Variants in OPCML observed in about 807,000 individuals in gnomAD.
OPCML encodes opioid-binding protein/cell adhesion molecule.
In OPCML, 13 loss-of-function variants were observed where a neutral mutation model predicts 37.8. The observed-to-expected ratio is 0.34, with a 90% CI of 0.22 to 0.55. OPCML has a LOEUF of 0.55. Among genes scored for constraint, OPCML ranks in the 20% least tolerant of loss-of-function variants. OPCML has a pLI of 0.91. For synonymous variants in OPCML, 176 were observed against 168.8 expected (o/e 1.04, Z -0.33); for missense variants, 341 against 435.6 (o/e 0.78, Z 1.93).
At chr11:132,622,834 G>A (rs1443503715) in intron 3 of OPCML, among the ~76,000 whole-genome samples, 1 of 152,118 alleles carries the variant, frequency 6.6e-6, no homozygotes, top group Non-Finnish European at 1.5e-5. Context: ...CTAGTATTGG[G>A]GAAGCATCTC....
intron 2 of OPCML, among the ~76,000 whole-genome samples, chr11:132,814,986 C>T (rs901941495): frequency 1.3e-5 from 2 of 152,076 alleles, no homozygotes; most frequent in African/African-American, 4.8e-5. Flanking sequence ...AGTAAATCAC[C>T]GTGAGGTCTT....
At chr11:133,273,982 T>C (rs1223608840) in intron 1 of OPCML, among the ~76,000 whole-genome samples, 25 of 152,242 alleles carry the variant, frequency 1.6e-4, no homozygotes, top group Admixed American at 1.6e-3. Flanking sequence ...TTTTTACTAT[T>C]ATACATGTAA....
At chr11:133,129,339 G>C (rs1221336635) in intron 1 of OPCML, among the ~76,000 whole-genome samples, 1 of 152,144 alleles carries the variant, frequency 6.6e-6, no homozygotes, top group Admixed American at 6.6e-5. Context: ...CAAGAAGAGT[G>C]CTTGCTCCTA....
intron 1 of OPCML, among the ~76,000 whole-genome samples, chr11:133,126,903 G>A (rs1949526304): frequency 6.6e-6 from 1 of 152,056 alleles, no homozygotes; most frequent in Non-Finnish European, 1.5e-5. Context: ...AGAGTGCCTG[G>A]AAGAGGGGCA....
intron 1 of OPCML, among the ~76,000 whole-genome samples, chr11:133,213,201 G>T: frequency 6.7e-6 from 1 of 148,306 alleles, no homozygotes; most frequent in East Asian, 2.0e-4. Context: ...GGGCAATAGA[G>T]AGGACATGAT....
Position 133,174,486 on chromosome 11 carries a change from G to A in OPCML, c.62-231476C>T, listed in dbSNP as rs139055749. ...CATACCAACATTTAATTGTAATGAC[G>A]TAAAGGTGATTATGAACATTACGAT... On this transcript the variant is annotated intron_variant, in intron 1 of 7. Transcript: ENST00000524381. This position sits in a 1 kb window ranked among gnomAD's most constrained non-coding sequence, Gnocchi z 4.6. Among the ~76,000 whole-genome samples the A allele has an allele frequency of 1.1e-3, 163 of 152,214 alleles. 1 individual carries two copies. Among genetic ancestry groups the A allele is most frequent in the Middle Eastern group, 3.4e-3 (1 of 294 alleles).
rs1263569325 is a variant in OPCML, at chr11:132,752,591, G to A, written c.147-95272C>T. Among the ~76,000 whole-genome samples the A allele has an allele frequency of 3.3e-5, 5 of 151,614 alleles. No individual in the cohort carries two copies. The East Asian group carries it at 9.6e-4, about 29-fold the overall frequency. On this transcript the variant is annotated intron_variant, in intron 2 of 7. Transcript: ENST00000524381. Reference sequence around the variant, plus strand: ...AATCTGTAGAAGTTGATCCTCTAGAGCCTTGAGTAAAAGATTTGTTAGCAT... The same window carrying A: ...AATCTGTAGAAGTTGATCCTCTAGAACCTTGAGTAAAAGATTTGTTAGCAT...
intron 2 of OPCML, among the ~76,000 whole-genome samples, chr11:132,811,778 C>A (rs1277125661): frequency 6.6e-6 from 1 of 152,060 alleles, no homozygotes; most frequent in Non-Finnish European, 1.5e-5. Context: ...AGGGTTCAAA[C>A]GCAGAAACAG....
intron 2 of OPCML, among the ~76,000 whole-genome samples, chr11:132,825,731 A>G (rs1370477899): frequency 6.6e-6 from 1 of 152,194 alleles, no homozygotes; most frequent in East Asian, 1.9e-4. Flanking sequence ...GGGGAAGCTT[A>G]TTAACCTAAA....
At chr11:133,201,198 T>A (rs1224887301) in intron 1 of OPCML, among the ~76,000 whole-genome samples, 1 of 151,992 alleles carries the variant, frequency 6.6e-6, no homozygotes, top group Non-Finnish European at 1.5e-5. Context: ...ATTACCCAGG[T>A]GACAAAATTA....
At chr11:133,105,300 G>A (rs1242519935) in intron 1 of OPCML, among the ~76,000 whole-genome samples, 2 of 152,188 alleles carry the variant, frequency 1.3e-5, no homozygotes, top group Non-Finnish European at 2.9e-5. Context: ...CAGACTAAGT[G>A]TAGTTGCTGA....
At chr11:133,356,396 A>C (rs920624166) in intron 1 of OPCML, among the ~76,000 whole-genome samples, 3 of 152,216 alleles carry the variant, frequency 2.0e-5, no homozygotes, top group Non-Finnish European at 4.4e-5. Context: ...TTTAAATAGA[A>C]GAAATGAGCT....
chr11:132,534,765 T>C (rs1309734097), intron 3 of OPCML, among the ~76,000 whole-genome samples: 1 of 152,144 alleles, frequency 6.6e-6, no homozygotes, highest in African/African-American at 2.4e-5. Flanking sequence ...TCTCTTCAGG[T>C]TGTTGCAAGA....
intron 4 of OPCML, among the ~76,000 whole-genome samples, chr11:132,480,071 G>C (rs1278673103): frequency 1.3e-5 from 2 of 152,222 alleles, no homozygotes; most frequent in African/African-American, 2.4e-5. Flanking sequence ...AAATTACTCT[G>C]AGCTACAGGA....
At chr11:132,451,933 G>T (rs761181287) in intron 4 of OPCML, among the ~76,000 whole-genome samples, 54 of 152,052 alleles carry the variant, frequency 3.6e-4, no homozygotes, top group Non-Finnish European at 6.8e-4. Context: ...TTCAAACTCT[G>T]CCCTCACTGG....
chr11:132,563,848 T>C (rs995017697), intron 3 of OPCML, among the ~76,000 whole-genome samples: 1 of 152,132 alleles, frequency 6.6e-6, no homozygotes, highest in East Asian at 1.9e-4. Flanking sequence ...ATTTTTTTAA[T>C]CAGTGAGACT....
chr11:132,699,135 T>A (rs1369052210), intron 2 of OPCML, among the ~76,000 whole-genome samples: 5 of 152,054 alleles, frequency 3.3e-5, no homozygotes, highest in Non-Finnish European at 7.4e-5. Flanking sequence ...ATGGGACTGT[T>A]GTTTCAACTT....
chr11:133,325,177 G>A (rs1012519496), intron 1 of OPCML, among the ~76,000 whole-genome samples: 5 of 152,204 alleles, frequency 3.3e-5, no homozygotes, highest in Non-Finnish European at 5.9e-5. Context: ...GGTATGAAAA[G>A]CCCAGTACAT....
rs554568106 is a variant in OPCML at position 133,378,807 on chromosome 11, A to G, written c.61+153457T>C. ...GACTGCAGTGATGCAATCAGAGGTC[A>G]TTGCAGCCTTGAACTCCTGGGCTCC... is the stretch of plus-strand genomic sequence containing the variant. On this transcript the variant is annotated intron_variant, in intron 1 of 7. Transcript: ENST00000524381. Among the ~76,000 whole-genome samples, 31 of 152,004 alleles carry G rather than the reference A, an allele frequency of 2.0e-4. No homozygotes were observed. In the South Asian group the frequency reaches 5.8e-3, roughly 29 times the overall value.
Sources: gnomAD v4.1 joint callset for allele counts (sites outside exome capture counted in the v4.1 genomes callset) on GRCh38, gnomAD v4.1.1 for gene constraint, Gnocchi (gnomAD v3.1) non-coding constraint, MANE v1.5 for transcripts, NCBI Gene and HGNC (gene_info 2026-07-23, HGNC 2026-07-21) for gene names.